ASCC1: variants seen among roughly 807,000 people sequenced by gnomAD.
ASCC1 encodes ASC-1 complex subunit P50.
In ASCC1, 35 loss-of-function variants were observed where a neutral mutation model predicts 46.6. The ratio of observed to expected loss-of-function variants is 0.75; its 90% confidence interval spans 0.57 to 0.99. ASCC1 has a LOEUF of 0.99. Among genes scored for constraint, ASCC1 ranks in the 50% least tolerant of loss-of-function variants. The pLI is 0.00. For missense variants in ASCC1, 376 were observed against 428.7 expected, an observed-to-expected ratio of 0.88 and a Z score of 1.09; for synonymous variants, 143 against 146.6, an observed-to-expected ratio of 0.98 and a Z score of 0.18.
intron 9 of ASCC1, among the ~76,000 whole-genome samples, chr10:72,105,194 G>C (rs1055486453): frequency 5.3e-5 from 8 of 152,204 alleles, no homozygotes; most frequent in Middle Eastern, 3.2e-3. Flanking sequence ...GTGGCAGAGG[G>C]CAGCCACCCC....
intron 9 of ASCC1, among the ~76,000 whole-genome samples, chr10:72,108,430 A>AAACTGTAATTAACTAAATTAT (rs1190513558): frequency 2.0e-5 from 3 of 152,224 alleles, no homozygotes; most frequent in Non-Finnish European, 4.4e-5. Context: ...AAAAGAAAAC[A>AAACTGTAATTAACTAAATTAT]AACTGTAATT....
chr10:72,128,853 C>T (rs188090308), intron 8 of ASCC1, among the ~76,000 whole-genome samples: 267 of 152,256 alleles, frequency 1.8e-3, no homozygotes, highest in African/African-American at 6.2e-3. Context: ...AAAAATGTAA[C>T]ATCATTTCAT....
At chr10:72,176,758 T>G (rs1327900055) in intron 5 of ASCC1, among the ~76,000 whole-genome samples, 1 of 152,108 alleles carries the variant, frequency 6.6e-6, no homozygotes, top group Non-Finnish European at 1.5e-5. Context: ...ACCTCTTCCT[T>G]ACTCTACCTC....
chr10:72,150,625 T>TC (rs1848213526), intron 7 of ASCC1, among the ~76,000 whole-genome samples: 1 of 152,134 alleles, frequency 6.6e-6, no homozygotes, highest in Non-Finnish European at 1.5e-5. Context: ...GATGTAGGTG[T>TC]AGTAAGAACA....
intron 3 of ASCC1, 31 bp from the exon 4 acceptor site, chr10:72,203,555 A>T: frequency 6.8e-7 from 1 of 1,470,816 alleles, no homozygotes; most frequent in South Asian, 1.1e-5. Flanking sequence ...AAGAAGATTA[A>T]GTCAAAATGT....
upstream of ASCC1, chr10:72,216,804 T>C: frequency 2.2e-6 from 1 of 456,234 alleles, no homozygotes; most frequent in South Asian, 1.5e-5. Flanking sequence ...GGATCTCCAC[T>C]GTCAGCCCCA....
At chr10:72,134,719 G>A (rs896279750) in intron 7 of ASCC1, among the ~76,000 whole-genome samples, 1 of 152,136 alleles carries the variant, frequency 6.6e-6, no homozygotes, top group Non-Finnish European at 1.5e-5. Flanking sequence ...ACCACTTCCA[G>A]TGCCACTGTC....
intron 5 of ASCC1, among the ~76,000 whole-genome samples, chr10:72,178,833 A>T (rs1852193932): frequency 6.6e-6 from 1 of 152,240 alleles, no homozygotes; most frequent in Non-Finnish European, 1.5e-5. Flanking sequence ...CTTTCATATC[A>T]GAGATCCCAA....
At chr10:72,142,943 A>G (rs1266216192) in intron 7 of ASCC1, among the ~76,000 whole-genome samples, 1 of 68 alleles carries the variant, frequency 0.015, no homozygotes, top group Non-Finnish European at 0.026. Context: ...TGGGTGGATC[A>G]CGAGTCAGGA....
At chr10:72,203,384 GC>G in intron 4 of ASCC1, 42 bp downstream of exon 4, 1 of 1,410,102 alleles carries the variant, frequency 7.1e-7, no homozygotes, top group Non-Finnish European at 1.0e-6. Flanking sequence ...CCATAAACAT[GC>G]AAAAGTGACT....
chr10:72,151,971 G>A (rs1035580761), intron 7 of ASCC1, among the ~76,000 whole-genome samples: 15 of 143,144 alleles, frequency 1.0e-4, no homozygotes, highest in Admixed American at 2.9e-4. Flanking sequence ...TTACAGGCGT[G>A]AGCCACCGCA....
At chr10:72,198,591 G>T (rs1431466527) in intron 4 of ASCC1, 6 of 455,602 alleles carry the variant, frequency 1.3e-5, no homozygotes, top group Middle Eastern at 6.5e-4. Flanking sequence ...CATTGCCTGA[G>T]ATTTCAAAAC....
intron 4 of ASCC1, chr10:72,198,677 G>C (rs1455361634): frequency 4.4e-6 from 2 of 456,040 alleles, no homozygotes; most frequent in East Asian, 1.4e-4. Flanking sequence ...TAATTTAGGA[G>C]ACACAAAAGA....
At chr10:72,202,157 G>A (rs1365499122) in intron 4 of ASCC1, among the ~76,000 whole-genome samples, 1 of 151,992 alleles carries the variant, frequency 6.6e-6, no homozygotes, top group African/African-American at 2.4e-5. Flanking sequence ...GGAGGTTGCT[G>A]CACTCTTTGA....
intron 7 of ASCC1, among the ~76,000 whole-genome samples, chr10:72,138,047 T>C (rs1846477761): frequency 6.6e-6 from 1 of 152,098 alleles, no homozygotes; most frequent in African/African-American, 2.4e-5. Context: ...GTATTTTTAG[T>C]AGAGACAGGG....
chr10:72,173,313 C>A (rs1393990220), intron 5 of ASCC1, among the ~76,000 whole-genome samples: 2 of 152,040 alleles, frequency 1.3e-5, no homozygotes, highest in Non-Finnish European at 2.9e-5. Context: ...TAATACCCAG[C>A]TAGAAAAAGG....
chr10:72,150,756 A>C (rs569768197), intron 7 of ASCC1, among the ~76,000 whole-genome samples: 13 of 152,374 alleles, frequency 8.5e-5, no homozygotes, highest in Non-Finnish European at 1.8e-4. Context: ...TTTACAAGAA[A>C]ATATCAAACA....
At chr10:72,198,873 G>C (rs1026732077) in intron 4 of ASCC1, among the ~76,000 whole-genome samples, 2 of 152,136 alleles carry the variant, frequency 1.3e-5, no homozygotes, top group African/African-American at 4.8e-5. Context: ...CTGCAGTGCA[G>C]TGGTACAATC....
chr10:72,182,049 A>G (rs1852706236), intron 5 of ASCC1, among the ~76,000 whole-genome samples: 1 of 152,206 alleles, frequency 6.6e-6, no homozygotes, highest in African/African-American at 2.4e-5. Context: ...AGGAAAGAAA[A>G]GACATTCGAG....
Sources: gnomAD v4.1 joint callset for allele counts (sites outside exome capture counted in the v4.1 genomes callset) on GRCh38, gnomAD v4.1.1 for gene constraint, MANE v1.5 for transcripts, NCBI Gene and HGNC (gene_info 2026-07-23, HGNC 2026-07-21) for gene names.